The following GNAZ variants were observed in gnomAD, a reference collection of about 807,000 sequenced individuals.
GNAZ encodes guanine nucleotide-binding protein G(z) subunit alpha.
In GNAZ, 3 loss-of-function variants were observed where a neutral mutation model predicts 25.4. That is an observed-to-expected ratio of 0.12 (90% confidence interval 0.05 to 0.30). The LOEUF is 0.30. Ranked by LOEUF, GNAZ falls within the 10% of genes least tolerant of loss-of-function variation. GNAZ has a pLI of 1.00. For synonymous variants in GNAZ, 211 were observed against 205.7 expected (o/e 1.03, Z -0.22); for missense variants, 241 against 501.8 (o/e 0.48, Z 4.97).
At chr22:23,072,246 G>A (rs1171871223) in intron 1 of GNAZ, among the ~76,000 whole-genome samples, 1 of 152,156 alleles carries the variant, frequency 6.6e-6, no homozygotes, top group East Asian at 1.9e-4. Context: ...CCTCTGGGAT[G>A]TGGATGTTTG....
At chr22:23,114,067 C>G (rs949245318) in intron 2 of GNAZ, among the ~76,000 whole-genome samples, 4 of 152,318 alleles carry the variant, frequency 2.6e-5, no homozygotes, top group South Asian at 2.1e-4. Context: ...TGAAGCTCAT[C>G]TCTGTATGAA....
intron 2 of GNAZ, among the ~76,000 whole-genome samples, chr22:23,105,757 C>T (rs947543657): frequency 5.8e-4 from 88 of 152,370 alleles, no homozygotes; most frequent in African/African-American, 2.1e-3. Flanking sequence ...CCTTCAGCGA[C>T]TGACACTGGC....
rs1402461538 is a variant in GNAZ at position 23,071,917 on chromosome 22, C to T, written c.-450+1347C>T. On this transcript the variant is annotated intron_variant, in intron 1 of 2. Transcript: ENST00000615612. This position sits in a 1 kb window ranked among gnomAD's most constrained non-coding sequence, Gnocchi z 4.1. ...GCCTGGGGAGTAGGAGGAGGTATGG[C>T]GGGAAAGGCCGGTGGGGGCTGCACG... Among the ~76,000 whole-genome samples the T allele has an allele frequency of 6.6e-6, 1 of 151,962 alleles. No homozygotes were observed. Among genetic ancestry groups the T allele is most frequent in the African/African-American group, 2.4e-5 (1 of 41,368 alleles).
intron 1 of GNAZ, among the ~76,000 whole-genome samples, chr22:23,076,480 C>T (rs750771727): frequency 6.6e-6 from 1 of 152,194 alleles, no homozygotes; most frequent in Non-Finnish European, 1.5e-5. Flanking sequence ...AGAGGTTGTA[C>T]CTTTGGGTCC....
At chr22:23,078,715 G>A (rs974359145) in intron 1 of GNAZ, among the ~76,000 whole-genome samples, 3 of 152,254 alleles carry the variant, frequency 2.0e-5, no homozygotes, top group African/African-American at 7.2e-5. Flanking sequence ...GGCACAGGAA[G>A]AAGGCCAAGG....
At chr22:23,083,186 A>T (rs1449781733) in intron 1 of GNAZ, among the ~76,000 whole-genome samples, 1 of 152,144 alleles carries the variant, frequency 6.6e-6, no homozygotes, top group African/African-American at 2.4e-5. Context: ...TGTGATGCAC[A>T]TTTGAGAAAT....
intron 2 of GNAZ, among the ~76,000 whole-genome samples, chr22:23,122,029 C>T (rs990417936): frequency 6.6e-6 from 1 of 152,160 alleles, no homozygotes; most frequent in East Asian, 1.9e-4. Flanking sequence ...CGGCGCCTGG[C>T]CAGAAAAGTT....
rs534326827 is a variant in GNAZ at position 23,117,391 on chromosome 22, G to A, written c.724-5696G>A. Among the ~76,000 whole-genome samples the A allele has an allele frequency of 2.6e-3, 390 of 152,354 alleles. 3 individuals are homozygous for A. The highest frequency in any genetic ancestry group is 4.5e-3 in the Non-Finnish European group (304 of 68,028). ...CCACAGGAGCCTCCCAAAGAGCCAG[G>A]CTGACCTGGGCCCTGTGGCCAGCAA... On this transcript the variant is annotated intron_variant, in intron 2 of 2. Coordinates refer to ENST00000615612, the MANE Select transcript of GNAZ (RefSeq NM_002073.4).
intron 2 of GNAZ, among the ~76,000 whole-genome samples, chr22:23,116,135 C>G (rs1290173259): frequency 6.6e-6 from 1 of 152,380 alleles, no homozygotes; most frequent in African/African-American, 2.4e-5. Context: ...CTGGGTAAGC[C>G]TTGCTTCGTG....
chr22:23,088,755 T>A (rs1212009166), intron 1 of GNAZ, among the ~76,000 whole-genome samples: 3 of 152,064 alleles, frequency 2.0e-5, no homozygotes, highest in Non-Finnish European at 2.9e-5. Context: ...AGGTTCAGGG[T>A]GTGTGGTAGG....
At position 23,123,158 on chromosome 22, in the gene GNAZ, C is replaced by T. The variant is rs907495521; in HGVS notation, c.795C>T (p.Leu265=). Residue 265 remains leucine, a synonymous_variant, in exon 3 of 3, where the codon CTC becomes CTT. Transcript: ENST00000615612. ...CNNNWFINTS[L]ILFLNKKDLL... ...ACAACTGGTTCATCAACACCTCACT[C>T]ATCCTCTTCCTGAACAAGAAGGACC... is the stretch of plus-strand genomic sequence containing the variant. The T allele has an allele frequency of 3.7e-6, 6 of 1,613,754 alleles. No individual in the cohort carries two copies. The African/African-American group carries it at 4.0e-5, about 11-fold the overall frequency.
intron 2 of GNAZ, among the ~76,000 whole-genome samples, chr22:23,120,059 G>A (rs1305646917): frequency 6.6e-6 from 1 of 152,224 alleles, no homozygotes. Flanking sequence ...CTGTCCTGAT[G>A]AGGCTGCCGC....
rs951767417 is a variant in GNAZ, at chr22:23,096,123, G to A, written c.428G>A (p.Arg143His). The change falls in exon 2 of 3, where the codon CGC becomes CAC. Residue 143 changes from arginine to histidine, a missense_variant. Physicochemically the swap from Arg to His is conservative, Grantham distance 29. Transcript: ENST00000615612. ...CCAGGGGCACAGGCCTGCTTCAGCCGCTCCAGCGAGTACCACCTGGAGGAC... is the reference window on the plus strand; with the variant it reads ...CCAGGGGCACAGGCCTGCTTCAGCCACTCCAGCGAGTACCACCTGGAGGAC... ...ADPGAQACFSRSSEYHLEDNA... is the reference protein window; with the variant it reads ...ADPGAQACFSHSSEYHLEDNA... 24 of 1,611,734 alleles carry A rather than the reference G, an allele frequency of 1.5e-5. No homozygotes were observed. Among genetic ancestry groups the A allele is most frequent in the Admixed American group, 3.3e-5 (2 of 60,016 alleles).
intron 1 of GNAZ, among the ~76,000 whole-genome samples, chr22:23,087,812 C>T (rs575622602): frequency 6.6e-6 from 1 of 152,286 alleles, no homozygotes; most frequent in East Asian, 1.9e-4. Flanking sequence ...TGGGTGGGGC[C>T]AGTTGATCCA....
chr22:23,114,952 G>T (rs2069780738), intron 2 of GNAZ, among the ~76,000 whole-genome samples: 1 of 152,252 alleles, frequency 6.6e-6, no homozygotes, highest in African/African-American at 2.4e-5. Context: ...CATCTCAGAA[G>T]CTGGCAGGGC....
chr22:23,083,839 A>G (rs1207639745), intron 1 of GNAZ, among the ~76,000 whole-genome samples: 1 of 152,224 alleles, frequency 6.6e-6, no homozygotes, highest in Non-Finnish European at 1.5e-5. Context: ...GCCAGGTGGC[A>G]GGCCCAGACT....
At chr22:23,116,414 A>G (rs1420270161) in intron 2 of GNAZ, among the ~76,000 whole-genome samples, 1 of 152,260 alleles carries the variant, frequency 6.6e-6, no homozygotes, top group African/African-American at 2.4e-5. Flanking sequence ...GGACATTTGC[A>G]GTGCAGGAGG....
intron 2 of GNAZ, among the ~76,000 whole-genome samples, chr22:23,107,278 G>A (rs745667283): frequency 1.3e-5 from 2 of 152,172 alleles, no homozygotes; most frequent in African/African-American, 2.4e-5. Context: ...CATCCCAGAG[G>A]AGCCCCATCT....
intron 1 of GNAZ, among the ~76,000 whole-genome samples, chr22:23,073,729 C>T (rs988957984): frequency 3.3e-5 from 5 of 152,190 alleles, no homozygotes; most frequent in Admixed American, 6.5e-5. Context: ...CAGAACCTCA[C>T]GCGATTCATC....
Sources: allele counts gnomAD v4.1 joint callset (sites outside exome capture counted in the v4.1 genomes callset), GRCh38; gene constraint gnomAD v4.1.1; non-coding constraint Gnocchi (gnomAD v3.1); transcripts MANE v1.5; gene names NCBI Gene and HGNC (gene_info 2026-07-23, HGNC 2026-07-21).